TRHDE: variants seen among roughly 807,000 people sequenced by gnomAD.
TRHDE encodes thyrotropin releasing hormone degrading enzyme.
Under a neutral mutation model 125.7 loss-of-function variants are expected in TRHDE, and 72 were observed. The ratio of observed to expected loss-of-function variants is 0.57; its 90% CI spans 0.47 to 0.70. TRHDE has a LOEUF of 0.70. TRHDE is among the 30% of genes least tolerant of loss of function. The probability of loss-of-function intolerance (pLI) is 0.00; values close to 1 mark genes in which losing one functional copy is unlikely to be tolerated. For synonymous variants in TRHDE, 509 were observed against 509.1 expected, an observed-to-expected ratio of 1.00 and a Z score of 0.00; for missense variants, 1,110 against 1,327.1, an observed-to-expected ratio of 0.84 and a Z score of 2.54.
At chr12:72,248,958 A>G (rs1028761117) in intron 2 of TRHDE, among the ~76,000 whole-genome samples, 4 of 152,186 alleles carry the variant, frequency 2.6e-5, no homozygotes, top group Admixed American at 6.5e-5. Context: ...TAGATCCTCT[A>G]ACAGGTTCAC....
intron 2 of TRHDE, among the ~76,000 whole-genome samples, chr12:72,154,385 C>T (rs1024086319): frequency 6.6e-6 from 1 of 152,174 alleles, no homozygotes; most frequent in African/African-American, 2.4e-5. Flanking sequence ...GAGCATTTAA[C>T]CCATTTACAT....
intron 5 of TRHDE, among the ~76,000 whole-genome samples, chr12:72,493,449 G>T (rs905408832): frequency 6.6e-6 from 1 of 151,852 alleles, no homozygotes; most frequent in Non-Finnish European, 1.5e-5. Context: ...AATGTGTTTT[G>T]ATCACAAAGG....
At chr12:72,122,619 T>A (rs923941456) in intron 2 of TRHDE, among the ~76,000 whole-genome samples, 2 of 152,158 alleles carry the variant, frequency 1.3e-5, no homozygotes, top group South Asian at 4.1e-4. Context: ...AACTTTTTTT[T>A]AAACTGGTAG....
At position 72,350,702 on chromosome 12, in the gene TRHDE, G is replaced by A. The variant is rs367709972; in HGVS notation, c.1189-27293G>A. Among the ~76,000 whole-genome samples the A allele has an allele frequency of 2.6e-5, 4 of 152,074 alleles. No homozygotes were observed. In the South Asian group the frequency reaches 6.2e-4, roughly 24 times the overall value. ...AAAATGAGGCTTGATAGAAAAAATA[G>A]GGGTACAGATATATTCTAAAGATTA... On this transcript the variant is annotated intron_variant, in intron 2 of 18. Transcript: ENST00000261180.
chr12:72,450,386 T>G lies in TRHDE; in HGVS notation c.1316-19372T>G, dbSNP rs567719292. On this transcript the variant is annotated intron_variant, in intron 3 of 18. Transcript: ENST00000261180. ...GGTGGAAGTGAACACCAGGCATTAA[T>G]TTTTACAATTTATTAATTAACCATT... Among the ~76,000 whole-genome samples the G allele has an allele frequency of 2.2e-4, 34 of 152,154 alleles. No individual in the cohort carries two copies. In the East Asian group the frequency reaches 6.0e-3, roughly 27 times the overall value.
chr12:72,570,670 A>G (rs1870681122), intron 10 of TRHDE, among the ~76,000 whole-genome samples: 1 of 151,186 alleles, frequency 6.6e-6, no homozygotes, highest in Non-Finnish European at 1.5e-5. Context: ...GCTTTCCTTT[A>G]CAGTCTTTCA....
intron 3 of TRHDE, among the ~76,000 whole-genome samples, chr12:72,457,972 T>C (rs922631773): frequency 2.0e-5 from 3 of 152,158 alleles, no homozygotes; most frequent in Non-Finnish European, 4.4e-5. Context: ...AACCGCTAAA[T>C]TGATTTCCAG....
At chr12:72,251,939 T>A (rs1159236343) in intron 2 of TRHDE, among the ~76,000 whole-genome samples, 1 of 152,156 alleles carries the variant, frequency 6.6e-6, no homozygotes, top group Non-Finnish European at 1.5e-5. Context: ...TTGCCATCTG[T>A]ACATCCTCTT....
At chr12:72,545,894 A>AATTTCTACT (rs1475492320) in intron 7 of TRHDE, among the ~76,000 whole-genome samples, 1 of 151,556 alleles carries the variant, frequency 6.6e-6, no homozygotes, top group East Asian at 1.9e-4. Flanking sequence ...CTAATGTTGG[A>AATTTCTACT]ATTTCTACTT....
At chr12:72,360,474 A>G (rs879907451) in intron 2 of TRHDE, among the ~76,000 whole-genome samples, 4 of 151,942 alleles carry the variant, frequency 2.6e-5, no homozygotes, top group East Asian at 3.9e-4. Flanking sequence ...TTGAGAGTCA[A>G]TAAACATATA....
At chr12:72,456,128 TACACACACACACACACACACACACAC>T (rs58045175) in intron 3 of TRHDE, among the ~76,000 whole-genome samples, 6 of 134,796 alleles carry the variant, frequency 4.5e-5, no homozygotes, top group African/African-American at 8.2e-5. Context: ...AATATGTAAT[TACACACACACACACACACACACACAC>T]ACACACACAC....
chr12:72,091,049 T>C (rs1874778744), intron 1 of TRHDE, among the ~76,000 whole-genome samples: 1 of 152,128 alleles, frequency 6.6e-6, no homozygotes, highest in African/African-American at 2.4e-5. Flanking sequence ...TTTATTTTAT[T>C]TTTTTGCAGA....
rs559645146 is a variant in TRHDE at position 72,343,262 on chromosome 12, C to T, written c.1189-34733C>T. 3.3e-5 allele frequency among the ~76,000 whole-genome samples: 5 copies of T among 152,126 alleles called. No individual in the cohort carries two copies. In the South Asian group the frequency reaches 6.2e-4, roughly 19 times the overall value. ...TGGTGCCAGGGAACACCCCCCACCC[C>T]GCCCCTGTGCATACTCAACTCCACA... On this transcript the variant is annotated intron_variant, in intron 2 of 18. Transcript: ENST00000261180.
In TRHDE at chr12:72,576,532, T is replaced by C. The variant is rs145472903; in HGVS notation, c.2321+990T>C. Among the ~76,000 whole-genome samples the C allele has an allele frequency of 2.0e-3, 309 of 152,252 alleles. 2 individuals carry two copies. Among genetic ancestry groups the C allele is most frequent in the African/African-American group, 6.9e-3 (287 of 41,564 alleles). On this transcript the variant is annotated intron_variant, in intron 12 of 18. Transcript: ENST00000261180. ...TACACATAGAAGACTTGATAATTACTTTGATAGAAGCAAAGCCAAAGTTTG... is the reference window on the plus strand; with the variant it reads ...TACACATAGAAGACTTGATAATTACCTTGATAGAAGCAAAGCCAAAGTTTG...
chr12:72,356,824 T>C (rs565709144), intron 2 of TRHDE, among the ~76,000 whole-genome samples: 101 of 151,636 alleles, frequency 6.7e-4, no homozygotes, highest in Non-Finnish European at 1.2e-3. Flanking sequence ...TTTGGAAACA[T>C]CATGGTGAAA....
intron 12 of TRHDE, among the ~76,000 whole-genome samples, chr12:72,612,731 AATT>A (rs1592572010): frequency 6.6e-6 from 1 of 152,220 alleles, no homozygotes; most frequent in Non-Finnish European, 1.5e-5. Context: ...GATAGCTTGA[AATT>A]ATTAAGTTGA....
chr12:72,141,276 A>C (rs1056893479), intron 2 of TRHDE, among the ~76,000 whole-genome samples: 2 of 152,130 alleles, frequency 1.3e-5, no homozygotes, highest in Non-Finnish European at 2.9e-5. Flanking sequence ...CATTCCTTTG[A>C]GTTAAGGCAC....
At chr12:72,210,750 A>G (rs1199942540) in intron 2 of TRHDE, among the ~76,000 whole-genome samples, 1 of 152,210 alleles carries the variant, frequency 6.6e-6, no homozygotes, top group Non-Finnish European at 1.5e-5. Context: ...TTTCATTACT[A>G]TCAGTTTTCT....
At chr12:72,415,089 C>T (rs1231801629) in intron 3 of TRHDE, among the ~76,000 whole-genome samples, 1 of 151,990 alleles carries the variant, frequency 6.6e-6, no homozygotes, top group African/African-American at 2.4e-5. Flanking sequence ...AAGTGGAGTC[C>T]TTGATACAAA....
Sources: gnomAD v4.1 joint callset for allele counts (sites outside exome capture counted in the v4.1 genomes callset) on GRCh38, gnomAD v4.1.1 for gene constraint, MANE v1.5 for transcripts, NCBI Gene and HGNC (gene_info 2026-07-23, HGNC 2026-07-21) for gene names.